SPOCK3: variants seen among roughly 807,000 people sequenced by gnomAD.
SPOCK3 encodes testican-3.
Under a neutral mutation model 56.6 loss-of-function variants are expected in SPOCK3, and 30 were observed. The observed-to-expected ratio is 0.53, with a 90% confidence interval of 0.40 to 0.72. The LOEUF is 0.72. Among genes scored for constraint, SPOCK3 ranks in the 30% least tolerant of loss-of-function variants. The probability of loss-of-function intolerance (pLI) is 0.00; values close to 1 mark genes in which losing one functional copy is unlikely to be tolerated. For synonymous variants in SPOCK3, 196 were observed against 183.3 expected (o/e 1.07, Z -0.56); for missense variants, 527 against 530.0 (o/e 0.99, Z 0.06).
chr4:166,988,193 G>C (rs1214481358), intron 4 of SPOCK3, among the ~76,000 whole-genome samples: 3 of 152,076 alleles, frequency 2.0e-5, no homozygotes, highest in East Asian at 3.9e-4. Context: ...TGAAGGTCGT[G>C]GTTGATAACA....
chr4:167,058,432 C>A (rs1258665879), intron 3 of SPOCK3, among the ~76,000 whole-genome samples: 1 of 152,062 alleles, frequency 6.6e-6, no homozygotes, highest in Non-Finnish European at 1.5e-5. Context: ...ACCTAGGAAT[C>A]CAACTTACAA....
chr4:166,851,127 T>A lies in SPOCK3; in HGVS notation c.589+38003A>T, dbSNP rs375997959. Among the ~76,000 whole-genome samples the A allele has an allele frequency of 5.3e-5, 8 of 151,102 alleles. 1 individual carries two copies. The East Asian group carries it at 1.2e-3, about 22-fold the overall frequency. On this transcript the variant is annotated intron_variant, in intron 6 of 10. Transcript: ENST00000357545. ...AGCACGCAGCTGGAGATCTGAGAAC[T>A]GGCAGACTGCCTCCTCAAGTGGGTC...
chr4:166,925,564 T>C (rs539045509), intron 4 of SPOCK3, among the ~76,000 whole-genome samples: 65 of 152,252 alleles, frequency 4.3e-4, no homozygotes, highest in Middle Eastern at 3.4e-3. Flanking sequence ...TCTAGACATA[T>C]TAATATCTAA....
intron 2 of SPOCK3, among the ~76,000 whole-genome samples, chr4:167,217,392 A>T (rs1580659493): frequency 6.6e-6 from 1 of 152,050 alleles, no homozygotes; most frequent in African/African-American, 2.4e-5. Context: ...TTTCCTAAAA[A>T]ATACAGTAAA....
chr4:167,083,314 T>C, intron 2 of SPOCK3: 1 of 764,642 alleles, frequency 1.3e-6, no homozygotes, highest in Non-Finnish European at 2.4e-6. Flanking sequence ...CTGCTCCTAC[T>C]GAGATGCCCC....
chr4:167,046,305 T>C, intron 3 of SPOCK3, among the ~76,000 whole-genome samples: 1 of 151,844 alleles, frequency 6.6e-6, no homozygotes, highest in East Asian at 1.9e-4. Context: ...ATGTGGGTGG[T>C]TTTCTTTTGC....
intron 2 of SPOCK3, among the ~76,000 whole-genome samples, chr4:167,074,538 C>T (rs6829378): frequency 0.32 from 48,002 of 151,794 alleles, 9,750 homozygotes; most frequent in African/African-American, 0.58. Context: ...ATGGCTTCCC[C>T]TACTGTGGGA....
intron 2 of SPOCK3, among the ~76,000 whole-genome samples, chr4:167,175,067 G>A (rs987974261): frequency 2.6e-5 from 4 of 152,044 alleles, no homozygotes; most frequent in South Asian, 4.1e-4. Flanking sequence ...CAGAATTATC[G>A]GGGATGCTCA....
intron 2 of SPOCK3, among the ~76,000 whole-genome samples, chr4:167,181,497 TTATC>T (rs1407312644): frequency 4.6e-5 from 7 of 152,202 alleles, no homozygotes; most frequent in Non-Finnish European, 1.0e-4. Flanking sequence ...CAATAACTCT[TTATC>T]TGTCTAAAGT....
rs1752156553 is a variant in SPOCK3, at chr4:167,030,360, C to T, written c.236-29897G>A. On this transcript the variant is annotated intron_variant, in intron 3 of 10. Coordinates refer to ENST00000357545, the MANE Select transcript of SPOCK3 (RefSeq NM_001040159.2). ...TTATTTTTTATCAAGATCAGATTAC[C>T]ATATTTTGTTCAATTGCTTGTGCTG... Among the ~76,000 whole-genome samples the T allele has an allele frequency of 2.0e-5, 3 of 151,690 alleles. No homozygotes were observed. In the South Asian group the frequency reaches 6.2e-4, roughly 31 times the overall value.
chr4:166,739,701 TGAC>T (rs1734628839), intron 9 of SPOCK3, among the ~76,000 whole-genome samples: 1 of 69,132 alleles, frequency 1.4e-5, no homozygotes, highest in Non-Finnish European at 3.4e-5. Context: ...TTTTATTTTC[TGAC>T]TTTTTTTTTT....
chr4:167,068,115 A>G (rs897273424), intron 2 of SPOCK3, among the ~76,000 whole-genome samples: 1 of 151,726 alleles, frequency 6.6e-6, no homozygotes, highest in African/African-American at 2.4e-5. Flanking sequence ...ATGAAGATCT[A>G]AGGATGAATT....
chr4:166,778,698 C>T (rs941338750), intron 7 of SPOCK3, among the ~76,000 whole-genome samples: 12 of 151,454 alleles, frequency 7.9e-5, no homozygotes, highest in Non-Finnish European at 1.6e-4. Flanking sequence ...ACCAGCACTG[C>T]TGCAGATAAA....
chr4:166,929,620 C>T (rs765258793), intron 4 of SPOCK3, among the ~76,000 whole-genome samples: 39 of 152,124 alleles, frequency 2.6e-4, no homozygotes, highest in Non-Finnish European at 4.6e-4. Flanking sequence ...GCAGATTCTT[C>T]ATAAATTCAA....
At chr4:166,745,026 A>T (rs186727600) in intron 8 of SPOCK3, among the ~76,000 whole-genome samples, 1 of 152,196 alleles carries the variant, frequency 6.6e-6, no homozygotes, top group Non-Finnish European at 1.5e-5. Context: ...TGTACGTGAA[A>T]GTGATGGGGA....
intron 8 of SPOCK3, among the ~76,000 whole-genome samples, 171 bp from the exon 9 acceptor site, chr4:166,742,230 CTATCATCT>C (rs147683860): frequency 0.02 from 2,882 of 144,990 alleles, 33 homozygotes; most frequent in Middle Eastern, 0.03. Flanking sequence ...ATGTGTCTAT[CTATCATCT>C]ATCTATCTAT....
chr4:167,060,464 G>T (rs1755473058), intron 3 of SPOCK3, among the ~76,000 whole-genome samples: 1 of 151,866 alleles, frequency 6.6e-6, no homozygotes, highest in African/African-American at 2.4e-5. Flanking sequence ...TCCTCAGTGT[G>T]GTCTACAACT....
intron 4 of SPOCK3, among the ~76,000 whole-genome samples, chr4:166,936,339 C>A (rs879714342): frequency 1.3e-5 from 2 of 151,732 alleles, no homozygotes; most frequent in African/African-American, 4.8e-5. Context: ...AGTTAAAATC[C>A]TATTAATTAG....
chr4:167,164,144 T>G lies in SPOCK3; in HGVS notation c.189+69841A>C, dbSNP rs539095962. Among the ~76,000 whole-genome samples the G allele has an allele frequency of 1.5e-3, 227 of 152,150 alleles. 2 individuals are homozygous for G. The highest frequency in any genetic ancestry group is 5.2e-3 in the African/African-American group (214 of 41,550). On this transcript the variant is annotated intron_variant, in intron 2 of 10. Transcript: ENST00000357545. ...CAGACAAGAACTAACAAAGCTTCAG[T>G]TGGGAATAGGAAGTTGTGATCAATG...
Sources: allele counts gnomAD v4.1 joint callset (sites outside exome capture counted in the v4.1 genomes callset), GRCh38; gene constraint gnomAD v4.1.1; transcripts MANE v1.5; gene names NCBI Gene and HGNC (gene_info 2026-07-23, HGNC 2026-07-21).